The following EMB variants were observed in gnomAD, a reference collection of about 807,000 sequenced individuals.
The protein encoded by EMB is embigin.
In EMB, 31 loss-of-function variants were observed where a neutral mutation model predicts 41.4. That is an observed-to-expected ratio of 0.75 (90% CI 0.56 to 1.01). The LOEUF (loss-of-function observed/expected upper bound fraction) is 1.01, where lower values mean the gene tolerates loss of function less well. Among genes scored for constraint, EMB ranks in the 50% least tolerant of loss-of-function variants. EMB has a pLI of 0.00. For synonymous variants in EMB, 137 were observed against 140.4 expected, an observed-to-expected ratio of 0.98 and a Z score of 0.17; for missense variants, 379 against 388.3, an observed-to-expected ratio of 0.98 and a Z score of 0.20.
At chr5:50,404,945 T>G (rs1041779245) in intron 5 of EMB, among the ~76,000 whole-genome samples, 7 of 151,996 alleles carry the variant, frequency 4.6e-5, no homozygotes, top group Non-Finnish European at 8.8e-5. Context: ...TTGTAACATC[T>G]ACACTGTCTC....
intron 8 of EMB, 62 bp from the exon 9 acceptor site, chr5:50,399,352 A>C: frequency 6.3e-7 from 1 of 1,594,542 alleles, no homozygotes; most frequent in South Asian, 1.1e-5. Context: ...ATAGTAACTT[A>C]CTATCACTTT....
intron 2 of EMB, among the ~76,000 whole-genome samples, chr5:50,420,751 G>T (rs1048837409): frequency 6.6e-6 from 1 of 152,132 alleles, no homozygotes; most frequent in Non-Finnish European, 1.5e-5. Flanking sequence ...AGTGGTTGTA[G>T]CTCCCGGAAT....
intron 4 of EMB, among the ~76,000 whole-genome samples, chr5:50,406,758 T>C (rs1184718002): frequency 1.3e-5 from 2 of 152,052 alleles, no homozygotes; most frequent in African/African-American, 4.8e-5. Flanking sequence ...TGGTTTTGTG[T>C]GTGTGTGCGC....
At chr5:50,433,606 T>C (rs1745759410) in intron 1 of EMB, among the ~76,000 whole-genome samples, 1 of 152,246 alleles carries the variant, frequency 6.6e-6, no homozygotes, top group Non-Finnish European at 1.5e-5. Flanking sequence ...AGGGTAGTTT[T>C]GCCCCGCAGG....
At chr5:50,401,090 AATAAG>A in intron 7 of EMB, among the ~76,000 whole-genome samples, 1 of 152,162 alleles carries the variant, frequency 6.6e-6, no homozygotes, top group Middle Eastern at 3.4e-3. Context: ...AATCAACATA[AATAAG>A]ATATCTATGT....
intron 1 of EMB, among the ~76,000 whole-genome samples, chr5:50,432,684 T>C (rs1476835583): frequency 1.6e-5 from 2 of 125,728 alleles, no homozygotes; most frequent in Non-Finnish European, 3.3e-5. Flanking sequence ...AAAAAGGAAA[T>C]AAGGCATCTC....
Position 50,396,795 on chromosome 5 carries a change from A to AG in EMB, c.*2477dup, listed in dbSNP as rs937878553. The AG allele has an allele frequency of 1.4e-4, 15 of 108,776 alleles. 1 individual carries two copies. Among genetic ancestry groups the AG allele is most frequent in the African/African-American group, 6.8e-4 (15 of 22,128 alleles). The allele number at this position is 108,776 out of a possible 1,614,324, so 6.7% of individuals were successfully genotyped here. ...ACTGAGGTAGGAAAATCAAGGCATTAGTGTTGCAGCAGGTGTGGGCAGAGT... is the reference window on the plus strand; with the variant it reads ...ACTGAGGTAGGAAAATCAAGGCATTAGGTGTTGCAGCAGGTGTGGGCAGAGT... On this transcript the variant is annotated 3_prime_UTR_variant, in exon 9 of 9. Coordinates refer to ENST00000303221, the MANE Select transcript of EMB (RefSeq NM_198449.3).
intron 1 of EMB, among the ~76,000 whole-genome samples, chr5:50,438,686 G>A (rs929007172): frequency 5.3e-5 from 8 of 151,996 alleles, no homozygotes; most frequent in African/African-American, 9.7e-5. Context: ...GATCAATACC[G>A]AATCTAGAAA....
chr5:50,424,205 T>C (rs1199488762), intron 2 of EMB, among the ~76,000 whole-genome samples: 1 of 152,158 alleles, frequency 6.6e-6, no homozygotes. Flanking sequence ...CATTGCTATA[T>C]ATTTAAAAGA....
At chr5:50,402,169 C>A (rs1745173350) in intron 7 of EMB, 117 bp downstream of exon 7, 1 of 1,054,480 alleles carries the variant, frequency 9.5e-7, no homozygotes, top group Non-Finnish European at 1.4e-6. Context: ...ACCACGTGGA[C>A]ATATACAGAA....
intron 2 of EMB, among the ~76,000 whole-genome samples, chr5:50,419,068 T>C (rs1745473230): frequency 1.3e-5 from 2 of 152,184 alleles, no homozygotes; most frequent in East Asian, 1.9e-4. Flanking sequence ...GTTCAGCACA[T>C]TTGAAAGACA....
chr5:50,403,573 A>G, intron 5 of EMB, 119 bp from the exon 6 acceptor site: 1 of 1,155,808 alleles, frequency 8.7e-7, no homozygotes, highest in East Asian at 2.4e-5. Flanking sequence ...AGAAAGGCAT[A>G]TTAAAGTTTG....
chr5:50,415,158 C>T (rs1745408659), intron 2 of EMB, among the ~76,000 whole-genome samples: 1 of 152,070 alleles, frequency 6.6e-6, no homozygotes. Flanking sequence ...TTGATTCTAC[C>T]GCTAAAATGT....
intron 1 of EMB, among the ~76,000 whole-genome samples, chr5:50,431,814 G>T (rs565967632): frequency 5.3e-5 from 8 of 152,222 alleles, no homozygotes; most frequent in Middle Eastern, 3.4e-3. Flanking sequence ...GAGATTAAAA[G>T]ACTTTTTTCT....
chr5:50,409,413 G>T (rs190761067), intron 4 of EMB, among the ~76,000 whole-genome samples: 56 of 152,150 alleles, frequency 3.7e-4, no homozygotes, highest in Non-Finnish European at 6.6e-4. Context: ...GTTTAAAGTT[G>T]AATATCTTGG....
intron 1 of EMB, among the ~76,000 whole-genome samples, chr5:50,430,857 T>C (rs972640896): frequency 6.6e-6 from 1 of 152,124 alleles, no homozygotes; most frequent in Non-Finnish European, 1.5e-5. Flanking sequence ...CTAGGACTTG[T>C]CATGGATGGG....
chr5:50,420,967 C>T (rs1249958154), intron 2 of EMB, among the ~76,000 whole-genome samples: 1 of 152,078 alleles, frequency 6.6e-6, no homozygotes, highest in African/African-American at 2.4e-5. Context: ...TTGTTTAGTA[C>T]TTTTATATGC....
chr5:50,401,519 G>T (rs1745162860), intron 7 of EMB, among the ~76,000 whole-genome samples: 1 of 151,924 alleles, frequency 6.6e-6, no homozygotes. Context: ...TGGCTCTATT[G>T]TTCAGGCTTT....
chr5:50,416,991 C>CA (rs1471083278), intron 2 of EMB, among the ~76,000 whole-genome samples: 1 of 152,136 alleles, frequency 6.6e-6, no homozygotes, highest in Non-Finnish European at 1.5e-5. Context: ...CTACTCTTGA[C>CA]ACACTGCCCA....
Sources: gnomAD v4.1 joint callset for allele counts (sites outside exome capture counted in the v4.1 genomes callset) on GRCh38, gnomAD v4.1.1 for gene constraint, MANE v1.5 for transcripts, NCBI Gene and HGNC (gene_info 2026-07-23, HGNC 2026-07-21) for gene names.